A2M: variants seen among roughly 807,000 people sequenced by gnomAD.
A2M encodes C3 and PZP-like alpha-2-macroglobulin domain-containing protein 5.
A2M carries 128 observed loss-of-function variants against 183.9 expected under a neutral mutation model. That is an observed-to-expected ratio of 0.70 (90% CI 0.60 to 0.81). The LOEUF is 0.81. Among genes scored for constraint, A2M ranks in the 30% least tolerant of loss-of-function variants. The pLI, the probability that A2M is intolerant of heterozygous loss-of-function variation, is 0.00. For missense variants in A2M, 1,495 were observed against 1,787.6 expected, an observed-to-expected ratio of 0.84 and a Z score of 2.95; for synonymous variants, 592 against 670.8, an observed-to-expected ratio of 0.88 and a Z score of 1.81.
At chr12:9,090,239 G>GA in intron 20 of A2M, 117 bp downstream of exon 20, 2 of 1,518,180 alleles carry the variant, frequency 1.3e-6, no homozygotes, top group South Asian at 1.2e-5. Flanking sequence ...AAAGGCAAAG[G>GA]AAAAAAATCG....
chr12:9,107,843 A>G (rs56966204), intron 7 of A2M, among the ~76,000 whole-genome samples, 199 bp from the exon 8 acceptor site: 1,547 of 152,022 alleles, frequency 0.01, 26 homozygotes, highest in African/African-American at 0.035. Flanking sequence ...TGAAATTTAC[A>G]TTCTTCTTTT....
chr12:9,077,523 C>T (rs996595424), intron 26 of A2M, 103 bp from the exon 27 acceptor site: 27 of 1,463,348 alleles, frequency 1.8e-5, no homozygotes, highest in Non-Finnish European at 2.4e-5. Flanking sequence ...TACCCATATC[C>T]ATCCCTATAG....
At position 9,090,344 on chromosome 12, in the gene A2M, T is replaced by A; in HGVS notation, c.2596+12A>T. ...TTGAGTAGAGAATTATCTCTAGCAGTTTTTTGCTCACCTAATGACTTTGGG... is the reference window on the plus strand; with the variant it reads ...TTGAGTAGAGAATTATCTCTAGCAGATTTTTGCTCACCTAATGACTTTGGG... On this transcript the variant is annotated intron_variant, in intron 20 of 35. Transcript: ENST00000318602. The A allele has an allele frequency of 6.2e-7, 1 of 1,613,910 alleles. No homozygotes were observed. Among genetic ancestry groups the A allele is most frequent in the East Asian group, 2.2e-5 (1 of 44,874 alleles).
chr12:9,079,371 G>C, intron 24 of A2M, 40 bp from the exon 25 acceptor site: 3 of 1,569,142 alleles, frequency 1.9e-6, no homozygotes, highest in Non-Finnish European at 2.6e-6. Flanking sequence ...ATGGATTAAT[G>C]TGCATGCTGA....
intron 15 of A2M, among the ~76,000 whole-genome samples, chr12:9,096,620 T>A (rs932000749): frequency 2.0e-5 from 3 of 152,204 alleles, no homozygotes; most frequent in Admixed American, 6.5e-5. Context: ...AGGTGAGAAG[T>A]AAGACAGACA....
upstream of A2M, chr12:9,115,977 A>G: frequency 1.3e-6 from 1 of 773,170 alleles, no homozygotes; most frequent in Non-Finnish European, 2.3e-6. Context: ...AGGAAGTTCC[A>G]CCCACACAAG....
At chr12:9,067,890 CAG>C (rs1414919631) in intron 35 of A2M, 51 bp from the exon 36 acceptor site, 2 of 1,556,168 alleles carry the variant, frequency 1.3e-6, no homozygotes, top group East Asian at 2.3e-5. Context: ...TCTCCATGAG[CAG>C]AGAGTATTCT....
intron 22 of A2M, among the ~76,000 whole-genome samples, chr12:9,088,085 TG>T (rs1949101842): frequency 6.6e-6 from 1 of 152,112 alleles, no homozygotes; most frequent in Non-Finnish European, 1.5e-5. Flanking sequence ...GACAGGATGC[TG>T]AGTGAAAAAC....
At chr12:9,086,853 T>C (rs745722772) in intron 22 of A2M, among the ~76,000 whole-genome samples, 1 of 152,340 alleles carries the variant, frequency 6.6e-6, no homozygotes, top group South Asian at 2.1e-4. Context: ...AAATTTTCAC[T>C]GTTGGTGATG....
intron 9 of A2M, 60 bp downstream of exon 9, chr12:9,106,431 A>T: frequency 1.4e-6 from 2 of 1,435,348 alleles, no homozygotes; most frequent in Non-Finnish European, 9.7e-7. Context: ...ACAATTCATT[A>T]TTTGGCTAAG....
At chr12:9,083,108 G>C (rs1275992745) in intron 22 of A2M, among the ~76,000 whole-genome samples, 1 of 152,118 alleles carries the variant, frequency 6.6e-6, no homozygotes, top group Non-Finnish European at 1.5e-5. Context: ...GATGAAGCTG[G>C]AAACCATCAT....
intron 32 of A2M, among the ~76,000 whole-genome samples, chr12:9,070,077 A>G (rs186408090): frequency 6.6e-6 from 1 of 152,362 alleles, no homozygotes; most frequent in Admixed American, 6.5e-5. Context: ...TCATATTTCA[A>G]AGTTCAATTC....
At chr12:9,074,180 T>G (rs148056446) in intron 29 of A2M, among the ~76,000 whole-genome samples, 4 of 151,536 alleles carry the variant, frequency 2.6e-5, no homozygotes. Context: ...ATGGAGAGAT[T>G]TGCGAGGAGA....
intron 11 of A2M, among the ~76,000 whole-genome samples, chr12:9,103,526 T>G (rs767566096): frequency 1.1e-4 from 16 of 152,334 alleles, no homozygotes; most frequent in Admixed American, 3.3e-4. Flanking sequence ...ACTTTTCATC[T>G]TGTAAAACTA....
chr12:9,115,956 TG>T (rs1939091061), upstream of A2M: 31 of 897,064 alleles, frequency 3.5e-5, 1 homozygote, highest in South Asian at 3.9e-4. Flanking sequence ...TATGCTGCTC[TG>T]TGTGCAAACA....
intron 15 of A2M, 176 bp downstream of exon 15, chr12:9,098,431 T>G (rs1949450312): frequency 1.2e-5 from 2 of 163,056 alleles, no homozygotes; most frequent in Non-Finnish European, 2.2e-5. Context: ...AGTGAGTAGT[T>G]ATATATATAT....
At chr12:9,113,787 T>C (rs1245950469) in intron 1 of A2M, among the ~76,000 whole-genome samples, 3 of 152,198 alleles carry the variant, frequency 2.0e-5, no homozygotes, top group Admixed American at 2.0e-4. Context: ...GTAGGCATGC[T>C]TCACTTTAAG....
In A2M at chr12:9,090,000, C is replaced by A. The variant is rs373992205; in HGVS notation, c.2620G>T (p.Ala874Ser). ...AGCTCTTGAGACTCTAGTGCCTCTG[C>A]GCTCACAGTGAAATTCACATTTCCT... The part of the protein sequence containing the change: ...SLGNVNFTVS[A>S]EALESQELCG... The change falls in exon 21 of 36, where the codon GCA becomes TCA. Residue 874 changes from alanine to serine, a missense_variant. Physicochemically the swap from Ala to Ser is moderately conservative, Grantham distance 99 (BLOSUM62 1). Coordinates refer to ENST00000318602, the MANE Select transcript of A2M (RefSeq NM_000014.6). 1.9e-5 allele frequency: 30 copies of A among 1,597,444 alleles called. No individual in the cohort carries two copies. The highest frequency in any genetic ancestry group is 3.4e-5 in the Admixed American group (2 of 59,530).
intron 22 of A2M, among the ~76,000 whole-genome samples, chr12:9,083,146 A>G (rs1057194947): frequency 5.3e-5 from 8 of 152,186 alleles, no homozygotes; most frequent in Non-Finnish European, 1.0e-4. Flanking sequence ...AAGGACAGAA[A>G]AACAAACACC....
Sources: allele counts gnomAD v4.1 joint callset (sites outside exome capture counted in the v4.1 genomes callset), GRCh38; gene constraint gnomAD v4.1.1; transcripts MANE v1.5; gene names NCBI Gene and HGNC (gene_info 2026-07-23, HGNC 2026-07-21).